PCDH9: variants seen among roughly 807,000 people sequenced by gnomAD.
The protein encoded by PCDH9 is protocadherin 9, also known as protocadherin-9.
PCDH9 carries 24 observed loss-of-function variants against 70.6 expected under a neutral mutation model. That is an observed-to-expected ratio of 0.34 (90% CI 0.25 to 0.48). The LOEUF (loss-of-function observed/expected upper bound fraction) is 0.48, where lower values mean the gene tolerates loss of function less well. Among genes scored for constraint, PCDH9 ranks in the 20% least tolerant of loss-of-function variants. PCDH9 has a pLI of 0.99. For missense variants in PCDH9, 1,281 were observed against 1,503.6 expected, an observed-to-expected ratio of 0.85 and a Z score of 2.45; for synonymous variants, 562 against 558.5, an observed-to-expected ratio of 1.01 and a Z score of -0.09.
At chr13:67,016,955 AG>A (rs1276319790) in intron 2 of PCDH9, among the ~76,000 whole-genome samples, 1 of 151,110 alleles carries the variant, frequency 6.6e-6, no homozygotes, top group Admixed American at 6.6e-5. Context: ...ATTTTCTACT[AG>A]GGTTTTTTTT....
intron 4 of PCDH9, among the ~76,000 whole-genome samples, chr13:66,348,800 A>AT (rs950752004): frequency 2.7e-5 from 4 of 149,208 alleles, no homozygotes; most frequent in African/African-American, 7.5e-5. Flanking sequence ...GACTGAAATT[A>AT]TTTTTTCAAG....
At chr13:66,730,887 G>GTT (rs1303010293) in intron 3 of PCDH9, among the ~76,000 whole-genome samples, 2 of 60,752 alleles carry the variant, frequency 3.3e-5, no homozygotes, top group Non-Finnish European at 6.1e-5. Context: ...TTTTTTTTTT[G>GTT]TTTGTTTCTT....
In PCDH9 at chr13:67,227,163, C is replaced by G; in HGVS notation, c.1278G>C (p.Leu426Phe). Residue 426 changes from leucine (L) to phenylalanine (F), a missense_variant, in exon 2 of 5, where the codon TTG becomes TTC. Leu to Phe is a conservative substitution (Grantham distance 22). Coordinates refer to ENST00000377865, the MANE Select transcript of PCDH9 (RefSeq NM_203487.3). The surrounding 1 kb of genome is among the most constrained non-coding windows in gnomAD (Gnocchi z 4.6). ...DNQYLLETSSLLDYEGTKEFS... is the reference protein window; with the variant it reads ...DNQYLLETSSFLDYEGTKEFS... The stretch of plus-strand genomic sequence containing the variant: ...ATTCTTTGGTGCCCTCATAGTCCAA[C>G]AAAGAAGAGGTCTCTAACAAATATT... 1 of 1,613,680 alleles carries G rather than the reference C, an allele frequency of 6.2e-7. No homozygotes were observed. Among genetic ancestry groups the G allele is most frequent in the East Asian group, 2.2e-5 (1 of 44,876 alleles).
intron 2 of PCDH9, among the ~76,000 whole-genome samples, chr13:67,179,686 C>T (rs1229702681): frequency 6.6e-6 from 1 of 151,918 alleles, no homozygotes; most frequent in African/African-American, 2.4e-5. Context: ...TTCATAAGGT[C>T]ATCATTTATG....
At chr13:67,067,033 G>A (rs166335) in intron 2 of PCDH9, among the ~76,000 whole-genome samples, 151,062 of 152,242 alleles carry the variant, frequency 0.99, 74,959 homozygotes, top group East Asian at 1. Context: ...TAAATGACTA[G>A]GGCCTGGAAA....
At chr13:66,878,330 G>A (rs984690622) in intron 3 of PCDH9, among the ~76,000 whole-genome samples, 13 of 151,778 alleles carry the variant, frequency 8.6e-5, no homozygotes, top group South Asian at 2.1e-4. Context: ...TGGTTCCAGC[G>A]ATTCTCCTGC....
intron 2 of PCDH9, among the ~76,000 whole-genome samples, chr13:67,034,836 T>C (rs1365912830): frequency 1.3e-5 from 2 of 152,112 alleles, no homozygotes; most frequent in Non-Finnish European, 2.9e-5. Context: ...TATTACTAAA[T>C]GCCTATAAGT....
At chr13:66,334,394 T>C (rs534028263) in intron 4 of PCDH9, among the ~76,000 whole-genome samples, 1 of 152,208 alleles carries the variant, frequency 6.6e-6, no homozygotes, top group Non-Finnish European at 1.5e-5. Flanking sequence ...CAGTAGACTT[T>C]TAAATAAAGA....
At chr13:66,572,993 T>G (rs1476164951) in intron 4 of PCDH9, among the ~76,000 whole-genome samples, 5 of 152,068 alleles carry the variant, frequency 3.3e-5, no homozygotes, top group African/African-American at 7.2e-5. Context: ...ATTTTTAGTT[T>G]TGTGAGAAAC....
intron 3 of PCDH9, among the ~76,000 whole-genome samples, chr13:66,790,164 T>G (rs2080141912): frequency 6.6e-6 from 1 of 152,136 alleles, no homozygotes; most frequent in African/African-American, 2.4e-5. Context: ...AAAACGGTAT[T>G]TCATTGTTTA....
intron 4 of PCDH9, among the ~76,000 whole-genome samples, chr13:66,406,017 T>C (rs1957275223): frequency 6.6e-6 from 1 of 152,172 alleles, no homozygotes; most frequent in South Asian, 2.1e-4. Context: ...ATATGTTCTG[T>C]GGTTTTGTTG....
At chr13:66,805,687 A>G (rs981624519) in intron 3 of PCDH9, among the ~76,000 whole-genome samples, 4 of 152,166 alleles carry the variant, frequency 2.6e-5, no homozygotes, top group Non-Finnish European at 5.9e-5. Context: ...AATTGTTGAT[A>G]TAGAACATAG....
At chr13:66,899,523 A>G (rs1285916233) in intron 3 of PCDH9, among the ~76,000 whole-genome samples, 1 of 152,026 alleles carries the variant, frequency 6.6e-6, no homozygotes, top group Non-Finnish European at 1.5e-5. Context: ...TCAAGCATCA[A>G]AAACAGTGAC....
chr13:66,735,254 T>C (rs988671163), intron 3 of PCDH9, among the ~76,000 whole-genome samples: 4 of 152,196 alleles, frequency 2.6e-5, no homozygotes, highest in African/African-American at 9.6e-5. Context: ...CAAAATATAA[T>C]GTAAAGTTTA....
chr13:66,596,336 C>A (rs772036561), intron 4 of PCDH9, among the ~76,000 whole-genome samples: 3 of 151,554 alleles, frequency 2.0e-5, no homozygotes, highest in Non-Finnish European at 4.4e-5. Context: ...TCAAATTGAA[C>A]AGTGTCCATT....
At chr13:67,108,815 T>C (rs994660720) in intron 2 of PCDH9, among the ~76,000 whole-genome samples, 1 of 152,230 alleles carries the variant, frequency 6.6e-6, no homozygotes, top group Admixed American at 6.5e-5. Context: ...CTGCAATGAA[T>C]GCATATTTGA....
At chr13:66,795,944 A>G (rs528570253) in intron 3 of PCDH9, among the ~76,000 whole-genome samples, 5 of 152,272 alleles carry the variant, frequency 3.3e-5, no homozygotes, top group East Asian at 1.9e-4. Flanking sequence ...TCCTCTGGGA[A>G]GCAGTAACTG....
intron 4 of PCDH9, among the ~76,000 whole-genome samples, chr13:66,456,888 A>C (rs1958328005): frequency 6.6e-6 from 1 of 152,148 alleles, no homozygotes; most frequent in Non-Finnish European, 1.5e-5. Flanking sequence ...GCTTTGTTAA[A>C]CCTTACCTTT....
At chr13:66,683,441 G>A (rs926375006) in intron 3 of PCDH9, among the ~76,000 whole-genome samples, 3 of 152,116 alleles carry the variant, frequency 2.0e-5, no homozygotes, top group Non-Finnish European at 4.4e-5. Flanking sequence ...ACACTAAACA[G>A]CCACTGGGAT....
Sources: allele counts gnomAD v4.1 joint callset (sites outside exome capture counted in the v4.1 genomes callset), GRCh38; gene constraint gnomAD v4.1.1; non-coding constraint Gnocchi (gnomAD v3.1); transcripts MANE v1.5; gene names NCBI Gene and HGNC (gene_info 2026-07-23, HGNC 2026-07-21).